The following NAT2 variants were observed in gnomAD, a reference collection of about 807,000 sequenced individuals.
NAT2 encodes the protein N-acetyltransferase 2.
For synonymous variants in NAT2, 137 were observed against 125.9 expected (o/e 1.09, Z -0.59); for missense variants, 428 against 339.1 (o/e 1.26, Z -2.06).
At position 18,401,191 on chromosome 8, in the gene NAT2, T is replaced by G. The variant is rs891600653; in HGVS notation, c.*315T>G. ...TGAATTCATAGTAAATTTTTACTGG[T>G]AAATGAATAAAGAATATTGTGGAAA... On this transcript the variant is annotated 3_prime_UTR_variant, in exon 2 of 2. Transcript: ENST00000286479. 4 of 213,634 alleles carry G rather than the reference T, an allele frequency of 1.9e-5. No individual in the cohort carries two copies. Among genetic ancestry groups the G allele is most frequent in the Non-Finnish European group, 4.0e-5 (4 of 100,700 alleles). The allele number at this position is 213,634 out of a possible 1,614,324, so 13.2% of individuals were successfully genotyped here. A position where few individuals can be genotyped will look rare whatever the true frequency, so the allele number is the denominator to read the frequency against.
rs1318591160 is a variant in NAT2, at chr8:18,400,906, G to A, written c.*30G>A. 1.3e-6 allele frequency: 2 copies of A among 1,502,850 alleles called. No individual in the cohort carries two copies. The highest frequency in any genetic ancestry group is 1.8e-6 in the Non-Finnish European group (2 of 1,120,110). 93.1% of individuals were successfully genotyped at this position (1,502,850 alleles called of 1,614,324 possible). On this transcript the variant is annotated 3_prime_UTR_variant, in exon 2 of 2. Transcript: ENST00000286479. ...AGGAACAAAATAAACCCTTGTGTATGTATCACCCAACTCACTAATTATCAA... is the reference window on the plus strand; with the variant it reads ...AGGAACAAAATAAACCCTTGTGTATATATCACCCAACTCACTAATTATCAA...
chr8:18,394,810 G>A (rs1800655542), intron 1 of NAT2, among the ~76,000 whole-genome samples: 1 of 152,142 alleles, frequency 6.6e-6, no homozygotes, highest in Admixed American at 6.5e-5. Context: ...GTCTCCACTT[G>A]TGGCCTGTTA....
upstream of NAT2, chr8:18,391,193 C>T (rs1441977099): frequency 6.6e-6 from 1 of 152,134 alleles, no homozygotes; most frequent in Admixed American, 6.5e-5. Context: ...TCCCAGAGAT[C>T]CCTGAGGTGA....
chr8:18,388,798 T>G (rs1410176339), upstream of NAT2, among the ~76,000 whole-genome samples: 1 of 152,248 alleles, frequency 6.6e-6, no homozygotes, highest in South Asian at 2.1e-4. Flanking sequence ...ATCACTGTTG[T>G]TGCCCAGCCC....
At chr8:18,399,969 T>C (rs1800758990) in intron 1 of NAT2, 29 bp from the exon 2 acceptor site, 1 of 1,527,370 alleles carries the variant, frequency 6.5e-7, no homozygotes, top group Non-Finnish European at 8.8e-7. Context: ...AAGTATGATA[T>C]GTTTTTATGT....
At chr8:18,388,600 T>C (rs1232399839), upstream of NAT2, among the ~76,000 whole-genome samples, 1 of 146,738 alleles carries the variant, frequency 6.8e-6, no homozygotes, top group Admixed American at 6.8e-5. Flanking sequence ...TCTGCAAAAA[T>C]ATAAGTTTTG....
At chr8:18,396,428 T>A (rs1002323984) in intron 1 of NAT2, among the ~76,000 whole-genome samples, 3 of 152,218 alleles carry the variant, frequency 2.0e-5, no homozygotes, top group African/African-American at 4.8e-5. Flanking sequence ...CTAAAAAATT[T>A]TTTTTTGTTC....
chr8:18,393,320 CT>C (rs1800620528), intron 1 of NAT2, among the ~76,000 whole-genome samples: 1 of 151,896 alleles, frequency 6.6e-6, no homozygotes, highest in Non-Finnish European at 1.5e-5. Context: ...TCCATATTTT[CT>C]TTAGGCAGTC....
chr8:18,387,955 G>C (rs1169539613), upstream of NAT2, among the ~76,000 whole-genome samples: 5 of 152,192 alleles, frequency 3.3e-5, no homozygotes, highest in Admixed American at 3.3e-4. Flanking sequence ...GGAGTTGAAT[G>C]TTTCTCTTAC....
At chr8:18,386,584 G>A (rs928741872), upstream of NAT2, among the ~76,000 whole-genome samples, 6 of 152,126 alleles carry the variant, frequency 3.9e-5, no homozygotes, top group Admixed American at 1.3e-4. Flanking sequence ...ACCCCACCCC[G>A]GGGTTGTCCT....
chr8:18,386,586 G>A (rs193201761), upstream of NAT2, among the ~76,000 whole-genome samples: 2 of 152,260 alleles, frequency 1.3e-5, no homozygotes, highest in Admixed American at 6.5e-5. Context: ...CCCACCCCGG[G>A]GTTGTCCTCC....
At chr8:18,387,693 T>C (rs1461702967), upstream of NAT2, 5 of 156,242 alleles carry the variant, frequency 3.2e-5, no homozygotes, top group African/African-American at 7.2e-5. Context: ...CCGCTCCTTC[T>C]CTCGTCGCCT....
intron 1 of NAT2, among the ~76,000 whole-genome samples, chr8:18,398,963 C>G (rs1800742326): frequency 6.6e-6 from 1 of 152,214 alleles, no homozygotes; most frequent in Non-Finnish European, 1.5e-5. Flanking sequence ...TAGGCGAACA[C>G]TGTTCCGCTT....
In NAT2 at chr8:18,401,097, G is replaced by A; in HGVS notation, c.*221G>A. ...ATTAATAAAAATAAAGGCATTTTAA[G>A]GATGGCCTGTGATTATCTTGGGAAG... On this transcript the variant is annotated 3_prime_UTR_variant, in exon 2 of 2. Coordinates refer to ENST00000286479, the MANE Select transcript of NAT2 (RefSeq NM_000015.3). The A allele has an allele frequency of 2.5e-6, 1 of 400,730 alleles. No individual in the cohort carries two copies. The highest frequency in any genetic ancestry group is 4.5e-6 in the Non-Finnish European group (1 of 221,480). 24.8% of individuals were successfully genotyped at this position (400,730 alleles called of 1,614,324 possible).
chr8:18,391,418 C>T (rs1800589748), intron 1 of NAT2, 73 bp downstream of exon 1: 1 of 151,610 alleles, frequency 6.6e-6, no homozygotes, highest in South Asian at 2.1e-4. Context: ...AAATCAAGTC[C>T]CCCTACTGAC....
intron 1 of NAT2, among the ~76,000 whole-genome samples, chr8:18,398,373 G>A (rs1375370911): frequency 2.6e-5 from 4 of 152,128 alleles, no homozygotes; most frequent in Non-Finnish European, 5.9e-5. Context: ...ACACAGAAAG[G>A]GAGAGGGCAA....
intron 1 of NAT2, among the ~76,000 whole-genome samples, chr8:18,398,322 C>G (rs1800726859): frequency 6.6e-6 from 1 of 152,154 alleles, no homozygotes; most frequent in Admixed American, 6.5e-5. Flanking sequence ...GACCTACAAT[C>G]CAACAAGGTA....
chr8:18,395,123 A>G (rs1253322988), intron 1 of NAT2, among the ~76,000 whole-genome samples: 2 of 152,202 alleles, frequency 1.3e-5, no homozygotes, highest in Non-Finnish European at 2.9e-5. Context: ...ATATTGGGTG[A>G]GCAATCTTCA....
At chr8:18,396,819 C>T (rs1800701086) in intron 1 of NAT2, among the ~76,000 whole-genome samples, 1 of 152,200 alleles carries the variant, frequency 6.6e-6, no homozygotes, top group South Asian at 2.1e-4. Context: ...CTGATATTCA[C>T]AGGCTATAAA....
Sources: gnomAD v4.1 joint callset for allele counts (sites outside exome capture counted in the v4.1 genomes callset) on GRCh38, gnomAD v4.1.1 for gene constraint, MANE v1.5 for transcripts, NCBI Gene and HGNC (gene_info 2026-07-23, HGNC 2026-07-21) for gene names.